The following INHBA variants were observed in gnomAD, a reference collection of about 807,000 sequenced individuals.
The protein encoded by INHBA is inhibin subunit beta A, also known as inhibin beta A chain.
INHBA carries 1 observed loss-of-function variant against 29.0 expected under a neutral mutation model. The observed-to-expected ratio is 0.03, with a 90% CI of 0.01 to 0.16. The LOEUF (loss-of-function observed/expected upper bound fraction) is 0.16. Among genes scored for constraint, INHBA ranks in the 10% least tolerant of loss-of-function variants. The pLI, the probability that INHBA is intolerant of heterozygous loss-of-function variation, is 1.00. For missense variants in INHBA, 376 were observed against 545.4 expected (o/e 0.69, Z 3.09); for synonymous variants, 242 against 216.8 (o/e 1.12, Z -1.02).
upstream of INHBA, among the ~76,000 whole-genome samples, chr7:41,703,943 T>C (rs1794854399): frequency 6.6e-6 from 1 of 152,102 alleles, no homozygotes; most frequent in African/African-American, 2.4e-5. Flanking sequence ...CAGGCTTTTT[T>C]TGTGGGGGAG....
chr7:41,703,172 T>C (rs1794830990), upstream of INHBA: 1 of 152,220 alleles, frequency 6.6e-6, no homozygotes, highest in African/African-American at 2.4e-5. Context: ...TTGTTTGGGA[T>C]TGGTTGGAAT....
At chr7:41,693,546 G>A (rs756274646) in intron 2 of INHBA, among the ~76,000 whole-genome samples, 5 of 152,192 alleles carry the variant, frequency 3.3e-5, no homozygotes, top group Non-Finnish European at 5.9e-5. Flanking sequence ...ACAAGAGCAG[G>A]TTTCTGATGC....
intron 2 of INHBA, among the ~76,000 whole-genome samples, chr7:41,695,513 G>A (rs1794626612): frequency 6.6e-6 from 1 of 152,212 alleles, no homozygotes; most frequent in South Asian, 2.1e-4. Flanking sequence ...TTCCTCCTTT[G>A]ACCTACAGTA....
At chr7:41,702,800 T>C (rs1246310816) in intron 1 of INHBA, among the ~76,000 whole-genome samples, 1 of 152,260 alleles carries the variant, frequency 6.6e-6, no homozygotes, top group Non-Finnish European at 1.5e-5. Flanking sequence ...TATGTACTTG[T>C]ATATATGTGC....
rs1186253679 is a variant in INHBA, at chr7:41,700,439, G to A, written c.-65C>T. ...CCCTGCTTTTCCTCCCCCCTCACGCGCAGGTTTTTTTGTGTGTGTGGATTT... is the reference window on the plus strand; with the variant it reads ...CCCTGCTTTTCCTCCCCCCTCACGCACAGGTTTTTTTGTGTGTGTGGATTT... On this transcript the variant is annotated 5_prime_UTR_variant, in exon 2 of 3. Coordinates refer to ENST00000242208, the MANE Select transcript of INHBA (RefSeq NM_002192.4). 4 of 1,332,218 alleles carry A rather than the reference G, an allele frequency of 3.0e-6. No homozygotes were observed. Among genetic ancestry groups the A allele is most frequent in the South Asian group, 4.7e-5 (2 of 42,450 alleles). The allele number at this position is 1,332,218 out of a possible 1,614,324, so 82.5% of individuals were successfully genotyped here.
Position 41,690,503 on chromosome 7 carries a change from T to G in INHBA, c.428A>C (p.Glu143Ala), listed in dbSNP as rs1221555253. The G allele has an allele frequency of 6.2e-7, 1 of 1,610,420 alleles. No individual in the cohort carries two copies. The highest frequency in any genetic ancestry group is 8.5e-7 in the Non-Finnish European group (1 of 1,178,546). Residue 143 changes from glutamate (E) to alanine (A), a missense_variant, in exon 3 of 3, where the codon GAA (glutamate) becomes GCA (alanine). Glu to Ala is a moderately radical substitution (Grantham distance 107). Coordinates refer to ENST00000242208, the MANE Select transcript of INHBA (RefSeq NM_002192.4). ...CTCCACCACTGACAGGTCACTGCCT[T>G]CCTTGGAAATCTCGAAGTGCAGCGT... is the stretch of plus-strand genomic sequence containing the variant. ...RKTLHFEISK[E>A]GSDLSVVERA...
Position 41,690,257 on chromosome 7 carries a change from C to T in INHBA, c.674G>A (p.Ser225Asn), listed in dbSNP as rs1794470909. The change falls in exon 3 of 3, where the codon AGC (serine) becomes AAC (asparagine). Residue 225 changes from serine to asparagine, a missense_variant. By Grantham distance (46) the Ser-to-Asn change is conservative (BLOSUM62 1). Coordinates refer to ENST00000242208, the MANE Select transcript of INHBA (RefSeq NM_002192.4). ...KSTWHVFPVS[S>N]SIQRLLDQGK... The stretch of plus-strand genomic sequence containing the variant: ...CTGGTCCAGCAACCGCTGGATGCTG[C>T]TGGAGACAGGGAAGACATGCCAGGT... The T allele has an allele frequency of 1.2e-6, 2 of 1,614,086 alleles. No individual in the cohort carries two copies. Among genetic ancestry groups the T allele is most frequent in the Non-Finnish European group, 1.7e-6 (2 of 1,180,020 alleles).
chr7:41,691,274 C>G (rs1313841029), intron 2 of INHBA: 1 of 152,470 alleles, frequency 6.6e-6, no homozygotes, highest in East Asian at 1.9e-4. Context: ...GCCATCACCT[C>G]TTTGCTGGGT....
chr7:41,697,406 G>A (rs992927438), intron 2 of INHBA, among the ~76,000 whole-genome samples: 14 of 152,312 alleles, frequency 9.2e-5, no homozygotes, highest in Middle Eastern at 3.4e-3. Context: ...TACCTAAACA[G>A]GATGGGACAA....
chr7:41,704,856 T>A (rs1794879100), upstream of INHBA, among the ~76,000 whole-genome samples: 1 of 152,028 alleles, frequency 6.6e-6, no homozygotes, highest in Non-Finnish European at 1.5e-5. Context: ...TGGCTGTTCT[T>A]AAACATGGGT....
intron 2 of INHBA, among the ~76,000 whole-genome samples, chr7:41,691,015 T>C (rs1794488822): frequency 6.6e-6 from 1 of 152,218 alleles, no homozygotes; most frequent in South Asian, 2.1e-4. Flanking sequence ...TGTTGACTAA[T>C]TGCTCAACCT....
chr7:41,696,166 G>T (rs1326427589), intron 2 of INHBA, among the ~76,000 whole-genome samples: 1 of 152,154 alleles, frequency 6.6e-6, no homozygotes, highest in East Asian at 1.9e-4. Flanking sequence ...GAAGTCACTT[G>T]TCATTTGTCG....
At chr7:41,699,577 G>A (rs1367863595) in intron 2 of INHBA, among the ~76,000 whole-genome samples, 1 of 152,044 alleles carries the variant, frequency 6.6e-6, no homozygotes. Context: ...ATAAAAACTT[G>A]GATGGGGTCC....
chr7:41,703,223 A>G (rs1794831888), upstream of INHBA: 1 of 152,224 alleles, frequency 6.6e-6, no homozygotes, highest in South Asian at 2.1e-4. Flanking sequence ...CCAGTGTGAG[A>G]CATTTCATAA....
intron 2 of INHBA, among the ~76,000 whole-genome samples, chr7:41,691,008 T>C (rs938839636): frequency 6.6e-6 from 1 of 152,196 alleles, no homozygotes; most frequent in Non-Finnish European, 1.5e-5. Context: ...CTGTGTCTGT[T>C]GACTAATTGC....
rs962913455 is a variant in INHBA, at chr7:41,689,973, T to C, written c.958A>G (p.Ile320Val). 5 of 1,613,936 alleles carry C rather than the reference T, an allele frequency of 3.1e-6. No homozygotes were observed. The highest frequency in any genetic ancestry group is 1.3e-5 in the African/African-American group (1 of 74,942). The change falls in exon 3 of 3, where the codon ATC becomes GTC. Residue 320 changes from isoleucine (I) to valine (V), a missense_variant. This residue lies in a region of INHBA where 253 missense variants were observed against 313.4 expected (regional missense o/e 0.81). Coordinates refer to ENST00000242208, the MANE Select transcript of INHBA (RefSeq NM_002192.4). ...ACAAAGAACTGTTTCTTACAGCAGA[T>C]GTTGACCTTGCCATCACACTCCAAG... ...RGLECDGKVNICCKKQFFVSF... is the reference protein window; with the variant it reads ...RGLECDGKVNVCCKKQFFVSF...
In INHBA at chr7:41,690,542, C is replaced by G. The variant is rs1794479461; in HGVS notation, c.389G>C (p.Gly130Ala). The G allele has an allele frequency of 6.3e-7, 1 of 1,589,144 alleles. No individual in the cohort carries two copies. Among genetic ancestry groups the G allele is most frequent in the Admixed American group, 1.8e-5 (1 of 56,916 alleles). Residue 130 changes from glycine to alanine, a missense_variant and splice_region_variant, in exon 3 of 3, where the codon GGA (glycine) becomes GCA (alanine). Around this residue, in one of 4 missense-constraint regions of INHBA, gnomAD observed 253 missense variants for 313.4 expected, o/e 0.81. Transcript: ENST00000242208. ...GAAGTGCAGCGTCTTCCTGGCTGTT[C>G]CTGAAGATGAAAGACAGCATAAGAG... Reference protein sequence around the residue: ...TSEIITFAESGTARKTLHFEI... With the variant: ...TSEIITFAESATARKTLHFEI...
At position 41,686,118 on chromosome 7, in the gene INHBA, T is replaced by C. The variant is rs572494803; in HGVS notation, c.*3532A>G. The stretch of plus-strand genomic sequence containing the variant: ...TCTACCTTTAAGGAGACTGCAGGGA[T>C]TCTCCTTGAAAACGGAGTATGGAAT... On this transcript the variant is annotated 3_prime_UTR_variant, in exon 3 of 3. Coordinates refer to ENST00000242208, the MANE Select transcript of INHBA (RefSeq NM_002192.4). 3.9e-5 allele frequency: 6 copies of C among 152,270 alleles called. No individual in the cohort carries two copies. The allele number at this position is 152,270 out of a possible 1,614,324, so 9.4% of individuals were successfully genotyped here.
At chr7:41,696,963 G>T (rs559800369) in intron 2 of INHBA, among the ~76,000 whole-genome samples, 7 of 152,204 alleles carry the variant, frequency 4.6e-5, no homozygotes, top group African/African-American at 1.7e-4. Context: ...TACAACAAGT[G>T]CTATCAATTG....
Sources: gnomAD v4.1 joint callset for allele counts (sites outside exome capture counted in the v4.1 genomes callset) on GRCh38, gnomAD v4.1.1 for gene constraint, gnomAD v4.1.1 regional missense constraint, MANE v1.5 for transcripts, NCBI Gene and HGNC (gene_info 2026-07-23, HGNC 2026-07-21) for gene names.